The following RAD54B variants were observed in gnomAD, a reference collection of about 807,000 sequenced individuals.
RAD54B encodes the protein RAD54 homolog B.
RAD54B carries 78 observed loss-of-function variants against 95.8 expected under a neutral mutation model. The ratio of observed to expected loss-of-function variants is 0.81; its 90% confidence interval spans 0.68 to 0.98. RAD54B has a LOEUF of 0.98. Ranked by LOEUF, RAD54B falls within the 50% of genes least tolerant of loss-of-function variation. RAD54B has a pLI of 0.00. For synonymous variants in RAD54B, 328 were observed against 354.9 expected, an observed-to-expected ratio of 0.92 and a Z score of 0.85; for missense variants, 957 against 1,056.6, an observed-to-expected ratio of 0.91 and a Z score of 1.31.
chr8:94,418,555 C>T (rs569901875), intron 3 of RAD54B, among the ~76,000 whole-genome samples: 3 of 152,322 alleles, frequency 2.0e-5, no homozygotes, highest in Non-Finnish European at 2.9e-5. Context: ...ACCATGACCA[C>T]AATCAGGATA....
chr8:94,460,529 T>C (rs534607389), intron 2 of RAD54B, among the ~76,000 whole-genome samples: 60 of 152,350 alleles, frequency 3.9e-4, no homozygotes, highest in African/African-American at 1.3e-3. Context: ...AGTTAGGTAA[T>C]ATGGACAAGG....
In RAD54B at chr8:94,411,308, C is replaced by T. The variant is rs758435819; in HGVS notation, c.312G>A (p.Ser104=). 3.9e-6 allele frequency: 6 copies of T among 1,546,484 alleles called. No individual in the cohort carries two copies. Among genetic ancestry groups the T allele is most frequent in the Admixed American group, 4.7e-5 (2 of 42,530 alleles). The change falls in exon 4 of 15, where the codon TCG becomes TCA. Residue 104 remains serine (S), a synonymous_variant. Coordinates refer to ENST00000336148, the MANE Select transcript of RAD54B (RefSeq NM_012415.3). ...ATLDPPHTVH[S]APKEVAVSKE... ...TGGACACTGCTACTTCTTTAGGAGC[C>T]GAATGAACTACAATTAAAAAAAAAA...
At chr8:94,376,872 G>A (rs905270649) in intron 14 of RAD54B, among the ~76,000 whole-genome samples, 15 of 151,210 alleles carry the variant, frequency 9.9e-5, no homozygotes, top group African/African-American at 3.1e-4. Flanking sequence ...TTCCATAGAA[G>A]AGAAACATTT....
At chr8:94,398,738 G>C (rs953373448) in intron 8 of RAD54B, among the ~76,000 whole-genome samples, 1 of 151,912 alleles carries the variant, frequency 6.6e-6, no homozygotes, top group Non-Finnish European at 1.5e-5. Flanking sequence ...GATGAGATAT[G>C]GGAGAAAAGC....
chr8:94,437,164 G>A (rs1481264249), intron 3 of RAD54B, among the ~76,000 whole-genome samples: 1 of 152,184 alleles, frequency 6.6e-6, no homozygotes, highest in Non-Finnish European at 1.5e-5. Context: ...AATACACAAA[G>A]GTCTAGAGAT....
chr8:94,460,104 G>A (rs112229712), intron 2 of RAD54B, among the ~76,000 whole-genome samples: 1 of 151,894 alleles, frequency 6.6e-6, no homozygotes, highest in South Asian at 2.1e-4. Context: ...ATTGCAGTGA[G>A]CCAAGATTGC....
chr8:94,406,057 A>G (rs1811383653), intron 5 of RAD54B, among the ~76,000 whole-genome samples: 1 of 151,878 alleles, frequency 6.6e-6, no homozygotes, highest in Non-Finnish European at 1.5e-5. Context: ...GTACACATAT[A>G]TATACATTTA....
chr8:94,402,758 G>T (rs1237254306), intron 6 of RAD54B, among the ~76,000 whole-genome samples: 2 of 152,098 alleles, frequency 1.3e-5, no homozygotes, highest in African/African-American at 4.8e-5. Context: ...ACTCAAGATG[G>T]TGGCTTTAAG....
At chr8:94,435,052 C>G (rs1229419315) in intron 3 of RAD54B, among the ~76,000 whole-genome samples, 1 of 152,014 alleles carries the variant, frequency 6.6e-6, no homozygotes, top group South Asian at 2.1e-4. Flanking sequence ...TTATAAAAAC[C>G]TATACCTACT....
chr8:94,387,283 G>C, intron 10 of RAD54B, 124 bp from the exon 11 acceptor site: 1 of 768,486 alleles, frequency 1.3e-6, no homozygotes, highest in Non-Finnish European at 2.0e-6. Flanking sequence ...CCAAGAAACT[G>C]TTAGGTAAAT....
intron 2 of RAD54B, among the ~76,000 whole-genome samples, chr8:94,460,153 G>A (rs532575977): frequency 1.8e-4 from 19 of 104,788 alleles, no homozygotes; most frequent in African/African-American, 6.0e-4. Context: ...GCGAGACTCC[G>A]TCTCAAAAAA....
rs1432741652 is a variant in RAD54B at position 94,475,046 on chromosome 8, C to G, written c.-62G>C. 3 of 152,342 alleles carry G rather than the reference C, an allele frequency of 2.0e-5. No individual in the cohort carries two copies. The highest frequency in any genetic ancestry group is 7.2e-5 in the African/African-American group (3 of 41,472). 9.4% of individuals were successfully genotyped at this position (152,342 alleles called of 1,614,324 possible). ...CCACTGGCCCTGCAAAGAAGTCCTT[C>G]TGGTAACCAGCTATCCCCTCGCCGC... is the stretch of plus-strand genomic sequence containing the variant. On this transcript the variant is annotated 5_prime_UTR_variant, in exon 1 of 15. Coordinates refer to ENST00000336148, the MANE Select transcript of RAD54B (RefSeq NM_012415.3).
At chr8:94,429,822 A>T (rs1812041725) in intron 3 of RAD54B, 1 of 985,294 alleles carries the variant, frequency 1.0e-6, no homozygotes, top group African/African-American at 1.7e-5. Flanking sequence ...GAAATTAAGT[A>T]GTCAACATGC....
chr8:94,430,329 T>G, intron 3 of RAD54B: 6 of 967,216 alleles, frequency 6.2e-6, no homozygotes, highest in Non-Finnish European at 7.4e-6. Flanking sequence ...AAAAAAAAAG[T>G]ATTTAATGTA....
In RAD54B at chr8:94,430,162, A is replaced by T. The variant is rs1044893784; in HGVS notation, c.305-18847T>A. On this transcript the variant is annotated intron_variant, in intron 3 of 14. Transcript: ENST00000336148. The stretch of plus-strand genomic sequence containing the variant: ...CCCCGTCTCTACTAAAAACACAAAA[A>T]ATTAGCCAGGCATGGTGGTGCGCCT... The T allele has an allele frequency of 6.3e-6, 4 of 634,232 alleles. No individual in the cohort carries two copies. In the African/African-American group the frequency reaches 8.0e-5, roughly 13 times the overall value. The allele number at this position is 634,232 out of a possible 1,614,324, so 39.3% of individuals were successfully genotyped here. A position where few individuals can be genotyped will look rare whatever the true frequency, so the allele number is the denominator to read the frequency against.
At chr8:94,436,448 G>GAT (rs1217172328) in intron 3 of RAD54B, 1 of 1,483,062 alleles carries the variant, frequency 6.7e-7, no homozygotes, top group Admixed American at 2.4e-5. Flanking sequence ...AAGCCCAATA[G>GAT]ATAGGAGGCG....
chr8:94,472,516 C>T (rs1813196509), intron 1 of RAD54B, among the ~76,000 whole-genome samples: 1 of 152,164 alleles, frequency 6.6e-6, no homozygotes, highest in Admixed American at 6.5e-5. Flanking sequence ...CTAATAAATT[C>T]TAGATAGCAT....
intron 4 of RAD54B, among the ~76,000 whole-genome samples, chr8:94,409,574 C>T (rs1002805999): frequency 1.3e-5 from 2 of 151,956 alleles, no homozygotes; most frequent in Admixed American, 6.6e-5. Context: ...TGCTAAGTTG[C>T]CCAGGCTGGT....
intron 2 of RAD54B, among the ~76,000 whole-genome samples, chr8:94,459,755 G>A (rs1812859395): frequency 6.6e-6 from 1 of 151,878 alleles, no homozygotes. Context: ...AGCTGCTCAG[G>A]AGGCTGAGGC....
Sources: allele counts gnomAD v4.1 joint callset (sites outside exome capture counted in the v4.1 genomes callset), GRCh38; gene constraint gnomAD v4.1.1; transcripts MANE v1.5; gene names NCBI Gene and HGNC (gene_info 2026-07-23, HGNC 2026-07-21).